ATXN2: variants seen among roughly 807,000 people sequenced by gnomAD.
The protein encoded by ATXN2 is ataxin-2.
A neutral mutation model predicts 138.6 loss-of-function variants in ATXN2; 37 were observed. The ratio of observed to expected loss-of-function variants is 0.27; its 90% CI spans 0.21 to 0.35. The LOEUF (loss-of-function observed/expected upper bound fraction) is 0.35. Among genes scored for constraint, ATXN2 ranks in the 10% least tolerant of loss-of-function variants. The probability of loss-of-function intolerance (pLI) is 1.00; values close to 1 mark genes in which losing one functional copy is unlikely to be tolerated. For missense variants in ATXN2, 1,216 were observed against 1,480.3 expected (o/e 0.82, Z 2.93); for synonymous variants, 549 against 543.7 (o/e 1.01, Z -0.13).
intron 1 of ATXN2, chr12:111,597,849 C>T: frequency 3.1e-6 from 4 of 1,281,648 alleles, no homozygotes; most frequent in Non-Finnish European, 4.1e-6. Context: ...GCAGGGTGCC[C>T]GCCCCCTGCC....
intron 22 of ATXN2, among the ~76,000 whole-genome samples, chr12:111,456,744 T>C (rs1875130618): frequency 1.3e-5 from 2 of 152,028 alleles, no homozygotes; most frequent in African/African-American, 4.8e-5. Flanking sequence ...TTAAATGTGA[T>C]TTTTTTTAAT....
chr12:111,530,896 C>G (rs950035236), intron 5 of ATXN2, among the ~76,000 whole-genome samples: 1 of 152,082 alleles, frequency 6.6e-6, no homozygotes, highest in Non-Finnish European at 1.5e-5. Context: ...GAGGCCGAGG[C>G]GGGCGGATCA....
chr12:111,501,193 C>A (rs1345312082), intron 14 of ATXN2, among the ~76,000 whole-genome samples: 1 of 151,952 alleles, frequency 6.6e-6, no homozygotes, highest in Non-Finnish European at 1.5e-5. Context: ...AAACCAAGGA[C>A]CATCAAAAAG....
At chr12:111,469,993 T>G in intron 20 of ATXN2, 115 bp downstream of exon 20, 2 of 1,243,502 alleles carry the variant, frequency 1.6e-6, no homozygotes, top group East Asian at 2.4e-5. Context: ...TTCCTTCAGA[T>G]TCTTGACCCT....
intron 1 of ATXN2, among the ~76,000 whole-genome samples, chr12:111,559,934 T>G (rs1003752499): frequency 5.3e-5 from 8 of 152,194 alleles, no homozygotes; most frequent in Non-Finnish European, 1.0e-4. Context: ...GAGTTAATGA[T>G]GCTTTCAAAG....
At position 111,533,881 on chromosome 12, in the gene ATXN2, T is replaced by C. The variant is rs79842457; in HGVS notation, c.572-8565A>G. ...GTTGAATTCACAGCTGTGTAACCCA[T>C]GGATAGAGAGGGCTGACTGTATTTG... On this transcript the variant is annotated intron_variant, in intron 5 of 24. Coordinates refer to ENST00000673436, the MANE Select transcript of ATXN2 (RefSeq NM_001372574.1). Among the ~76,000 whole-genome samples, 1,338 of 152,142 alleles carry C rather than the reference T, an allele frequency of 8.8e-3. 21 individuals carry two copies. Among genetic ancestry groups the C allele is most frequent in the African/African-American group, 0.031 (1,289 of 41,514 alleles).
chr12:111,521,134 T>C (rs1880137673), intron 6 of ATXN2, among the ~76,000 whole-genome samples, 161 bp from the exon 7 acceptor site: 1 of 152,206 alleles, frequency 6.6e-6, no homozygotes, highest in Non-Finnish European at 1.5e-5. Context: ...TTTAGAAAAA[T>C]ACTTATCAGC....
At position 111,510,471 on chromosome 12, in the gene ATXN2, G is replaced by T; in HGVS notation, c.1670C>A (p.Thr557Asn). 6.2e-7 allele frequency: 1 copy of T among 1,614,196 alleles called. No homozygotes were observed. Among genetic ancestry groups the T allele is most frequent in the Non-Finnish European group, 8.5e-7 (1 of 1,180,044 alleles). Residue 557 changes from threonine (T) to asparagine (N), a missense_variant, in exon 12 of 25, where the codon ACT (threonine) becomes AAT (asparagine). Coordinates refer to ENST00000673436, the MANE Select transcript of ATXN2 (RefSeq NM_001372574.1). ...LASPQAGIIP[T>N]EAVAMPIPAA... ...TGGAATAGGCATGGCAACAGCTTCA[G>T]TTGGAATAATACCAGCTTGGGGAGA...
intron 1 of ATXN2, among the ~76,000 whole-genome samples, chr12:111,571,033 C>T (rs1045540978): frequency 3.9e-5 from 6 of 152,206 alleles, no homozygotes; most frequent in Non-Finnish European, 8.8e-5. Context: ...CCAGGCATTG[C>T]TTTAAGCGTG....
chr12:111,533,130 T>A (rs544706718), intron 5 of ATXN2, among the ~76,000 whole-genome samples: 49 of 152,358 alleles, frequency 3.2e-4, no homozygotes, highest in African/African-American at 8.7e-4. Context: ...GACACAGTCA[T>A]GAAAGCAGGA....
At chr12:111,585,943 G>A (rs1025542766) in intron 1 of ATXN2, among the ~76,000 whole-genome samples, 1 of 151,014 alleles carries the variant, frequency 6.6e-6, no homozygotes, top group Non-Finnish European at 1.5e-5. Context: ...TCATTTTAAC[G>A]CCCAGGCTGG....
At chr12:111,492,689 GAAAAAAAA>G in intron 14 of ATXN2, among the ~76,000 whole-genome samples, 1 of 99,740 alleles carries the variant, frequency 1.0e-5, no homozygotes, top group Admixed American at 1.0e-4. Flanking sequence ...CTCAAAAACA[GAAAAAAAA>G]AAAAAAGAAT....
intron 1 of ATXN2, among the ~76,000 whole-genome samples, chr12:111,572,318 T>C (rs1401226940): frequency 6.7e-6 from 1 of 149,818 alleles, no homozygotes; most frequent in African/African-American, 2.5e-5. Flanking sequence ...GGAGAATCAC[T>C]TGAACCTGGG....
chr12:111,461,913 C>T (rs1365106166), intron 21 of ATXN2, among the ~76,000 whole-genome samples: 2 of 142,584 alleles, frequency 1.4e-5, no homozygotes, highest in Admixed American at 7.1e-5. Flanking sequence ...CAGAGTGAGA[C>T]TCCATCTCAA....
At chr12:111,596,622 C>T (rs1199064552) in intron 1 of ATXN2, among the ~76,000 whole-genome samples, 1 of 152,164 alleles carries the variant, frequency 6.6e-6, no homozygotes, top group Non-Finnish European at 1.5e-5. Context: ...TCTACAAGTA[C>T]ATTAACGATC....
At chr12:111,521,118 A>C (rs916319910) in intron 6 of ATXN2, 145 bp from the exon 7 acceptor site, 1 of 600,984 alleles carries the variant, frequency 1.7e-6, no homozygotes, top group African/African-American at 1.9e-5. Flanking sequence ...ATTTCCTTAA[A>C]AATGTTTTAG....
chr12:111,485,705 T>C lies in ATXN2; in HGVS notation c.2457+8A>G, dbSNP rs1877590161. The C allele has an allele frequency of 6.2e-7, 1 of 1,613,660 alleles. No individual in the cohort carries two copies. Reference sequence around the variant, plus strand: ...GAGGCTAAGTGAACATCAAATTCTATGACTTACTTGCACGCCTGGGCTCAC... The same window carrying C: ...GAGGCTAAGTGAACATCAAATTCTACGACTTACTTGCACGCCTGGGCTCAC... On this transcript the variant is annotated splice_region_variant and intron_variant, in intron 17 of 24. Transcript: ENST00000673436.
chr12:111,520,220 AGTG>A, intron 7 of ATXN2, 144 bp from the exon 8 acceptor site: 1 of 1,106,966 alleles, frequency 9.0e-7, no homozygotes. Flanking sequence ...TAAAAGTTAT[AGTG>A]ATCTGTGTAT....
chr12:111,491,185 G>A (rs1566022028), intron 14 of ATXN2, among the ~76,000 whole-genome samples: 2 of 152,076 alleles, frequency 1.3e-5, no homozygotes, highest in Admixed American at 6.6e-5. Context: ...CCCGGGAGGC[G>A]GAGGTTGTGG....
Sources: allele counts gnomAD v4.1 joint callset (sites outside exome capture counted in the v4.1 genomes callset), GRCh38; gene constraint gnomAD v4.1.1; transcripts MANE v1.5; gene names NCBI Gene and HGNC (gene_info 2026-07-23, HGNC 2026-07-21).